CMC1: variants seen among roughly 807,000 people sequenced by gnomAD.
The protein encoded by CMC1 is C-X9-C motif containing 1, also known as COX assembly mitochondrial protein homolog.
Under a neutral mutation model 14.1 loss-of-function variants are expected in CMC1, and 14 were observed. The observed-to-expected ratio is 0.99, with a 90% confidence interval of 0.66 to 1.55. The LOEUF (loss-of-function observed/expected upper bound fraction) is 1.55, where lower values mean the gene tolerates loss of function less well. Ranked by LOEUF, CMC1 falls within the 40% of genes most tolerant of loss-of-function variation. CMC1 has a pLI of 0.00. For synonymous variants in CMC1, 50 were observed against 38.4 expected (o/e 1.30, Z -1.12); for missense variants, 127 against 123.8 (o/e 1.03, Z -0.12).
intron 2 of CMC1, among the ~76,000 whole-genome samples, chr3:28,264,672 C>T (rs1053468384): frequency 6.6e-6 from 1 of 152,074 alleles, no homozygotes; most frequent in Non-Finnish European, 1.5e-5. Flanking sequence ...AGAGGTACAT[C>T]CTGCACATTC....
rs1306429237 is a variant in CMC1, at chr3:28,263,394, A to C, written c.109+14A>C. On this transcript the variant is annotated intron_variant, in intron 2 of 3. Transcript: ENST00000466830. ...AACAAGTTCAAGGTAACATTCAAATATTCATGTAAAGATCAAATTTATTTT... is the reference window on the plus strand; with the variant it reads ...AACAAGTTCAAGGTAACATTCAAATCTTCATGTAAAGATCAAATTTATTTT... The C allele has an allele frequency of 1.3e-6, 2 of 1,495,154 alleles. No individual in the cohort carries two copies. The highest frequency in any genetic ancestry group is 4.6e-5 in the East Asian group (2 of 43,330). 92.6% of individuals were successfully genotyped at this position (1,495,154 alleles called of 1,614,324 possible). A position where few individuals can be genotyped will look rare whatever the true frequency, so the allele number is the denominator to read the frequency against.
chr3:28,282,609 T>A (rs1324596836), intron 2 of CMC1, among the ~76,000 whole-genome samples: 1 of 152,212 alleles, frequency 6.6e-6, no homozygotes, highest in Non-Finnish European at 1.5e-5. Context: ...AATCTTTTAA[T>A]TTAATGGCTA....
Position 28,263,030 on chromosome 3 carries a change from A to G in CMC1, c.20-261A>G, listed in dbSNP as rs191463689. 3.0e-4 allele frequency: 103 copies of G among 339,992 alleles called. 1 individual carries two copies. The Admixed American group carries it at 4.2e-3, about 14-fold the overall frequency. The allele number at this position is 339,992 out of a possible 1,614,324, so 21.1% of individuals were successfully genotyped here. On this transcript the variant is annotated intron_variant, in intron 1 of 3. Transcript: ENST00000466830. ...TTGACAAGATTGCATGGAATATGTTATAAAGTAAAGATGTTGTAGTATAGT... is the reference window on the plus strand; with the variant it reads ...TTGACAAGATTGCATGGAATATGTTGTAAAGTAAAGATGTTGTAGTATAGT...
chr3:28,268,356 G>A (rs570855413), intron 2 of CMC1, among the ~76,000 whole-genome samples: 1 of 152,332 alleles, frequency 6.6e-6, no homozygotes, highest in South Asian at 2.1e-4. Flanking sequence ...TCCTGGTAGA[G>A]TCACTCAGGG....
At chr3:28,294,725 T>C (rs1701653469) in intron 2 of CMC1, among the ~76,000 whole-genome samples, 1 of 152,136 alleles carries the variant, frequency 6.6e-6, no homozygotes, top group African/African-American at 2.4e-5. Flanking sequence ...GGTTCTTTAT[T>C]TTTTCCATTT....
chr3:28,294,493 A>G, intron 2 of CMC1: 1 of 970,104 alleles, frequency 1.0e-6, no homozygotes, highest in Non-Finnish European at 1.2e-6. Flanking sequence ...AATTTTCCAA[A>G]CTAAGTGGAC....
At chr3:28,262,802 T>TCA (rs1699800879) in intron 1 of CMC1, among the ~76,000 whole-genome samples, 1 of 152,276 alleles carries the variant, frequency 6.6e-6, no homozygotes, top group South Asian at 2.1e-4. Flanking sequence ...TGCAGAGAAA[T>TCA]CACACACGCT....
At chr3:28,275,633 G>T (rs1469486732) in intron 2 of CMC1, among the ~76,000 whole-genome samples, 1 of 152,130 alleles carries the variant, frequency 6.6e-6, no homozygotes, top group Admixed American at 6.5e-5. Context: ...CACTCTGGCT[G>T]CCCCTTGGTG....
chr3:28,279,115 C>T (rs746568444), intron 2 of CMC1, among the ~76,000 whole-genome samples: 2 of 152,064 alleles, frequency 1.3e-5, no homozygotes, highest in Non-Finnish European at 2.9e-5. Flanking sequence ...AATAACTACC[C>T]GAAAGCACTG....
intron 2 of CMC1, among the ~76,000 whole-genome samples, chr3:28,289,785 A>T (rs1211949308): frequency 6.6e-6 from 1 of 152,162 alleles, no homozygotes; most frequent in South Asian, 2.1e-4. Context: ...TTTAATAAAA[A>T]GGATATTCAA....
intron 1 of CMC1, among the ~76,000 whole-genome samples, chr3:28,244,693 T>G (rs1698717443): frequency 6.6e-6 from 1 of 150,622 alleles, no homozygotes; most frequent in Non-Finnish European, 1.5e-5. Flanking sequence ...GCCACTGCAC[T>G]CCAGCTTGGG....
intron 2 of CMC1, among the ~76,000 whole-genome samples, chr3:28,285,209 A>G (rs924757177): frequency 2.0e-5 from 3 of 152,170 alleles, no homozygotes; most frequent in South Asian, 2.1e-4. Flanking sequence ...CCTTACCAAG[A>G]TGATGGTTCT....
intron 3 of CMC1, chr3:28,316,860 G>A (rs998935489): frequency 2.6e-5 from 4 of 152,226 alleles, no homozygotes; most frequent in African/African-American, 9.6e-5. Flanking sequence ...TGATAAAAAG[G>A]TAAATTTAGA....
rs1703155486 is a variant in CMC1 at position 28,320,583 on chromosome 3, T to C, written c.*954T>C. On this transcript the variant is annotated 3_prime_UTR_variant, in exon 4 of 4. Coordinates refer to ENST00000466830, the MANE Select transcript of CMC1 (RefSeq NM_182523.2). ...AACTCTTGGGGGACACATCAAACCA[T>C]AGCAGAACCATAGATAAGGAGATAC... The C allele has an allele frequency of 1.3e-5, 2 of 151,512 alleles. No individual in the cohort carries two copies. Among genetic ancestry groups the C allele is most frequent in the African/African-American group, 2.4e-5 (1 of 41,344 alleles). 9.4% of individuals were successfully genotyped at this position (151,512 alleles called of 1,614,324 possible).
chr3:28,296,237 T>G (rs1701734177), intron 2 of CMC1, among the ~76,000 whole-genome samples: 1 of 152,100 alleles, frequency 6.6e-6, no homozygotes, highest in South Asian at 2.1e-4. Context: ...AATGGTTTGT[T>G]GATCACCATT....
intron 2 of CMC1, among the ~76,000 whole-genome samples, chr3:28,289,860 C>T (rs1701379424): frequency 6.6e-6 from 1 of 152,014 alleles, no homozygotes. Context: ...CTACCATTCA[C>T]AAAGACAGAC....
intron 2 of CMC1, among the ~76,000 whole-genome samples, chr3:28,301,915 A>AAC (rs374978844): frequency 1.3e-5 from 2 of 151,218 alleles, no homozygotes; most frequent in Admixed American, 6.6e-5. Flanking sequence ...AACCCCCATC[A>AAC]ACACACACAC....
chr3:28,316,294 A>G (rs758426012), intron 2 of CMC1, 39 bp from the exon 3 acceptor site: 1 of 1,075,470 alleles, frequency 9.3e-7, no homozygotes, highest in Non-Finnish European at 1.3e-6. Flanking sequence ...TTATATAGAT[A>G]TAATTACAAG....
chr3:28,252,464 G>GT (rs1699179128), intron 1 of CMC1, among the ~76,000 whole-genome samples: 2 of 152,182 alleles, frequency 1.3e-5, no homozygotes, highest in South Asian at 4.1e-4. Flanking sequence ...CTTTGAATGT[G>GT]TTTTTCAGCC....
Sources: allele counts gnomAD v4.1 joint callset (sites outside exome capture counted in the v4.1 genomes callset), GRCh38; gene constraint gnomAD v4.1.1; transcripts MANE v1.5; gene names NCBI Gene and HGNC (gene_info 2026-07-23, HGNC 2026-07-21).